CSPG4: variants seen among roughly 807,000 people sequenced by gnomAD.
CSPG4 encodes the protein chondroitin sulfate proteoglycan 4 (melanoma-associated).
CSPG4 carries 74 observed loss-of-function variants against 139.3 expected under a neutral mutation model. The observed-to-expected ratio is 0.53, with a 90% CI of 0.44 to 0.64. The LOEUF is 0.64. Ranked by LOEUF, CSPG4 falls within the 30% of genes least tolerant of loss-of-function variation. The pLI is 0.00. For missense variants in CSPG4, 2,565 were observed against 3,148.3 expected (o/e 0.81, Z 4.43); for synonymous variants, 1,234 against 1,394.2 (o/e 0.89, Z 2.56).
intron 8 of CSPG4, among the ~76,000 whole-genome samples, chr15:75,681,728 C>G (rs186606357): frequency 3.3e-5 from 5 of 152,314 alleles, no homozygotes; most frequent in Admixed American, 2.6e-4. Flanking sequence ...TGGCTGAGAG[C>G]TCTAATTCTT....
rs140150544 is a variant in CSPG4 at position 75,688,308 on chromosome 15, A to G, written c.2757T>C (p.Ala919=). Residue 919 remains alanine, a synonymous_variant, in exon 3 of 10, where the codon GCT becomes GCC. Transcript: ENST00000308508. The part of the protein sequence containing the change: ...VPEGGEGVLS[A]DHLFVKSLNS... ...TGAGACTCTTGACAAAGAGGTGGTCAGCAGAGAGGACACCCTCACCACCCT... is the reference window on the plus strand; with the variant it reads ...TGAGACTCTTGACAAAGAGGTGGTCGGCAGAGAGGACACCCTCACCACCCT... 1.2e-6 allele frequency: 2 copies of G among 1,613,216 alleles called. No homozygotes were observed. The highest frequency in any genetic ancestry group is 1.7e-6 in the Non-Finnish European group (2 of 1,180,036).
chr15:75,695,602 C>G (rs763522106), intron 1 of CSPG4, among the ~76,000 whole-genome samples: 7 of 152,166 alleles, frequency 4.6e-5, no homozygotes, highest in Non-Finnish European at 1.0e-4. Context: ...TTTTTTCTGC[C>G]CCTCTTACAC....
At chr15:75,700,872 C>T (rs912202696) in intron 1 of CSPG4, among the ~76,000 whole-genome samples, 2 of 152,140 alleles carry the variant, frequency 1.3e-5, no homozygotes, top group African/African-American at 4.8e-5. Context: ...ACAACTTGTG[C>T]ACAGTAGCCT....
rs765075048 is a variant in CSPG4 at position 75,683,021 on chromosome 15, C to T, written c.4470G>A (p.Ala1490=). ...TCCTCAGAGCCTCCGCAGGGATGGGCGCAGTGGCCCCCTCCCACATCTGGG... is the reference window on the plus strand; with the variant it reads ...TCCTCAGAGCCTCCGCAGGGATGGGTGCAGTGGCCCCCTCCCACATCTGGG... ...TGLQMWEGAT[A]PIPAEALRST... is the part of the protein sequence containing the mutation. The change falls in exon 6 of 10, where the codon GCG becomes GCA. Residue 1490 remains alanine, a synonymous_variant. Transcript: ENST00000308508. 119 of 1,610,484 alleles carry T rather than the reference C, an allele frequency of 7.4e-5. No individual in the cohort carries two copies. The highest frequency in any genetic ancestry group is 9.9e-5 in the Non-Finnish European group (117 of 1,179,588).
At chr15:75,691,450 T>G (rs1207538916) in intron 2 of CSPG4, among the ~76,000 whole-genome samples, 3 of 152,176 alleles carry the variant, frequency 2.0e-5, no homozygotes, top group Non-Finnish European at 2.9e-5. Flanking sequence ...TTCCCCTCTT[T>G]CCTTGAGTGA....
At position 75,674,442 on chromosome 15, in the gene CSPG4, C is replaced by T. The variant is rs1412922433; in HGVS notation, c.*1108G>A. 8.7e-6 allele frequency: 3 copies of T among 346,312 alleles called. No homozygotes were observed. Among genetic ancestry groups the T allele is most frequent in the Non-Finnish European group, 1.6e-5 (3 of 192,566 alleles). The allele number at this position is 346,312 out of a possible 1,614,324, so 21.5% of individuals were successfully genotyped here. On this transcript the variant is annotated 3_prime_UTR_variant, in exon 10 of 10. Coordinates refer to ENST00000308508, the MANE Select transcript of CSPG4 (RefSeq NM_001897.5). ...ACCCGAAGACTGGCCCACCTGCCCA[C>T]ACAGGTGGGGGCACAGGAGGTCTGG...
Position 75,675,816 on chromosome 15 carries a change from G to A in CSPG4, c.6703C>T (p.Leu2235Phe). The A allele has an allele frequency of 6.2e-7, 1 of 1,613,240 alleles. No individual in the cohort carries two copies. Among genetic ancestry groups the A allele is most frequent in the Non-Finnish European group, 8.5e-7 (1 of 1,180,016 alleles). ...AGCAGGGGCAGGATGAGCGCCAGGA[G>A]CAGAAGTACCAGGCACATGGGGATG... ...VIIPMCLVLL[L>F]LALILPLLFY... Residue 2235 changes from leucine (L) to phenylalanine (F), a missense_variant, in exon 10 of 10, where the codon CTC becomes TTC. Leu to Phe is a conservative substitution (Grantham distance 22). This residue lies in a region of CSPG4 where 2,316 missense variants were observed against 2,818.2 expected (regional missense o/e 0.82). Coordinates refer to ENST00000308508, the MANE Select transcript of CSPG4 (RefSeq NM_001897.5).
In CSPG4 at chr15:75,682,321, T is replaced by A. The variant is rs1157394691; in HGVS notation, c.4922A>T (p.Glu1641Val). ...TGCCTGAGTGAAGTTCACCAGGGCC[T>A]CCCCTGTGCTGTCCTGCTGGGCGTG... is the stretch of plus-strand genomic sequence containing the variant. ...LFHAQQDSTG[E>V]ALVNFTQAEV... The change falls in exon 8 of 10, where the codon GAG becomes GTG. Residue 1641 changes from glutamate to valine, a missense_variant. Coordinates refer to ENST00000308508, the MANE Select transcript of CSPG4 (RefSeq NM_001897.5). 5 of 1,596,530 alleles carry A rather than the reference T, an allele frequency of 3.1e-6. No homozygotes were observed. The highest frequency in any genetic ancestry group is 1.3e-5 in the African/African-American group (1 of 74,846).
intron 1 of CSPG4, among the ~76,000 whole-genome samples, chr15:75,707,690 G>A (rs1894392189): frequency 1.3e-5 from 2 of 152,242 alleles, no homozygotes; most frequent in Non-Finnish European, 2.9e-5. Context: ...CTATAAACAG[G>A]TTTGTGGAGT....
At chr15:75,681,013 G>C (rs1341008492) in intron 8 of CSPG4, among the ~76,000 whole-genome samples, 1 of 152,186 alleles carries the variant, frequency 6.6e-6, no homozygotes, top group Non-Finnish European at 1.5e-5. Context: ...AAGTGCAAGA[G>C]GGTTGCTGAT....
chr15:75,684,789 C>G lies in CSPG4; in HGVS notation c.4396G>C (p.Val1466Leu). ...QSHPVAFTVT[V>L]LPVNDQPPIL... ...GGGGGTTGGTCATTGACAGGCAGGA[C>G]AGTGACAGTGAAGGCCACAGGATGG... The change falls in exon 5 of 10, where the codon GTC becomes CTC. Residue 1466 changes from valine (V) to leucine (L), a missense_variant. Coordinates refer to ENST00000308508, the MANE Select transcript of CSPG4 (RefSeq NM_001897.5). The G allele has an allele frequency of 6.2e-7, 1 of 1,613,712 alleles. No homozygotes were observed. The highest frequency in any genetic ancestry group is 2.2e-5 in the East Asian group (1 of 44,868).
In CSPG4 at chr15:75,677,838, A is replaced by G; in HGVS notation, c.4999T>C (p.Phe1667Leu). Residue 1667 changes from phenylalanine to leucine, a missense_variant, in exon 9 of 10, where the codon TTT becomes CTT. Coordinates refer to ENST00000308508, the MANE Select transcript of CSPG4 (RefSeq NM_001897.5). ...TCTAGGGTATCATGGGCCTCCCAAA[A>G]GGGCTCGGGGGGCATCTCATGCTCA... is the stretch of plus-strand genomic sequence containing the variant. ...LYEHEMPPEPFWEAHDTLELQ... is the reference protein window; with the variant it reads ...LYEHEMPPEPLWEAHDTLELQ... 1 of 1,612,126 alleles carries G rather than the reference A, an allele frequency of 6.2e-7. No individual in the cohort carries two copies. The highest frequency in any genetic ancestry group is 8.5e-7 in the Non-Finnish European group (1 of 1,179,154).
In CSPG4 at chr15:75,690,688, T is replaced by C; in HGVS notation, c.377A>G (p.Asp126Gly). 1 of 1,612,900 alleles carries C rather than the reference T, an allele frequency of 6.2e-7. No individual in the cohort carries two copies. Among genetic ancestry groups the C allele is most frequent in the Non-Finnish European group, 8.5e-7 (1 of 1,180,008 alleles). Residue 126 changes from aspartate to glycine, a missense_variant, in exon 3 of 10, where the codon GAT becomes GGT. Asp to Gly is a moderately conservative substitution (Grantham distance 94). Around this residue, in one of 5 missense-constraint regions of CSPG4, gnomAD observed 132 missense variants for 132.3 expected, o/e 1.00. Transcript: ENST00000308508. ...VVEGWATLSV[D>G]GFLNASSAVP... The stretch of plus-strand genomic sequence containing the variant: ...TGCTGAGGAGGCGTTCAGAAACCCA[T>C]CGACTGACAACGTGGCCCAGCCCTC...
At chr15:75,697,323 T>G (rs1459845251) in intron 1 of CSPG4, among the ~76,000 whole-genome samples, 1 of 151,836 alleles carries the variant, frequency 6.6e-6, no homozygotes, top group Non-Finnish European at 1.5e-5. Context: ...CATCACCCTT[T>G]GCTCTAGGAC....
rs1402179736 is a variant in CSPG4 at position 75,698,828 on chromosome 15, T to G, written c.89-5595A>C. ...AGCTATCACCTTCACCCAACCCTGTTACTCTGAGGGTAACAAGGGGGTAGG... is the reference window on the plus strand; with the variant it reads ...AGCTATCACCTTCACCCAACCCTGTGACTCTGAGGGTAACAAGGGGGTAGG... On this transcript the variant is annotated intron_variant, in intron 1 of 9. Coordinates refer to ENST00000308508, the MANE Select transcript of CSPG4 (RefSeq NM_001897.5). This position sits in a 1 kb window ranked among gnomAD's most constrained non-coding sequence, Gnocchi z 4.3. Among the ~76,000 whole-genome samples the G allele has an allele frequency of 6.6e-6, 1 of 152,130 alleles. No homozygotes were observed. The highest frequency in any genetic ancestry group is 1.9e-4 in the East Asian group (1 of 5,168).
At position 75,676,275 on chromosome 15, in the gene CSPG4, G is replaced by A. The variant is rs773144229; in HGVS notation, c.6244C>T (p.Arg2082Cys). The A allele has an allele frequency of 8.2e-6, 13 of 1,583,570 alleles. No individual in the cohort carries two copies. In the East Asian group the frequency reaches 1.8e-4, roughly 22 times the overall value. Residue 2082 changes from arginine to cysteine, a missense_variant, in exon 10 of 10, where the codon CGC (arginine) becomes TGC (cysteine). By Grantham distance (180) the Arg-to-Cys change is radical (BLOSUM62 -3). Transcript: ENST00000308508. The stretch of plus-strand genomic sequence containing the variant: ...CGGGGTCCCTCCAGGAGGCGGAAGC[G>A]CGGCACACTGCCTGTGCGGTTGGCC... ...ELANRTGSVP[R>C]FRLLEGPRHG...
intron 3 of CSPG4, among the ~76,000 whole-genome samples, chr15:75,686,161 T>C (rs768981893): frequency 6.6e-6 from 1 of 152,204 alleles, no homozygotes; most frequent in Non-Finnish European, 1.5e-5. Flanking sequence ...GTCACACAGC[T>C]TGAGATGCAC....
In CSPG4 at chr15:75,689,893, G is replaced by T; in HGVS notation, c.1172C>A (p.Ala391Asp). Reference protein sequence around the residue: ...RLEEEEYEDDAYGHYEAFSTL... With the variant: ...RLEEEEYEDDDYGHYEAFSTL... ...GGAGAAAGCTTCATAATGTCCATAG[G>T]CATCGTCCTCATACTCCTCCTCCTC... The change falls in exon 3 of 10, where the codon GCC (alanine) becomes GAC (aspartate). Residue 391 changes from alanine (A) to aspartate (D), a missense_variant. Physicochemically the swap from Ala to Asp is moderately radical, Grantham distance 126. Transcript: ENST00000308508. 5.0e-6 allele frequency: 8 copies of T among 1,612,230 alleles called. No individual in the cohort carries two copies. Among genetic ancestry groups the T allele is most frequent in the Non-Finnish European group, 5.9e-6 (7 of 1,179,578 alleles).
At chr15:75,685,078 G>A (rs934786622) in intron 4 of CSPG4, 141 bp downstream of exon 4, 30 of 1,263,618 alleles carry the variant, frequency 2.4e-5, no homozygotes, top group Non-Finnish European at 3.3e-5. Flanking sequence ...AAGATATATG[G>A]TATTTAAAGC....
Sources: allele counts gnomAD v4.1 joint callset (sites outside exome capture counted in the v4.1 genomes callset), GRCh38; gene constraint gnomAD v4.1.1; regional missense constraint gnomAD v4.1.1; non-coding constraint Gnocchi (gnomAD v3.1); transcripts MANE v1.5; gene names NCBI Gene and HGNC (gene_info 2026-07-23, HGNC 2026-07-21).